CSMD1: variants seen among roughly 807,000 people sequenced by gnomAD.
The protein encoded by CSMD1 is CUB and Sushi multiple domains 1.
A neutral mutation model predicts 417.5 loss-of-function variants in CSMD1; 213 were observed. The ratio of observed to expected loss-of-function variants is 0.51; its 90% CI spans 0.46 to 0.57. CSMD1 has a LOEUF of 0.57. Among genes scored for constraint, CSMD1 ranks in the 20% least tolerant of loss-of-function variants. CSMD1 has a pLI of 0.00. For missense variants in CSMD1, 6,923 were observed against 4,529.7 expected (o/e 1.53, Z -15.17); for synonymous variants, 2,862 against 1,736.8 (o/e 1.65, Z -16.11).
At chr8:4,887,707 G>A (rs1210662661) in intron 1 of CSMD1, among the ~76,000 whole-genome samples, 1 of 151,618 alleles carries the variant, frequency 6.6e-6, no homozygotes, top group Non-Finnish European at 1.5e-5. Context: ...TATTTGCTTT[G>A]TTGGTAGGTG....
chr8:3,178,141 A>C (rs1254625650), intron 37 of CSMD1, among the ~76,000 whole-genome samples: 1 of 152,180 alleles, frequency 6.6e-6, no homozygotes, highest in Non-Finnish European at 1.5e-5. Flanking sequence ...GATCATATAC[A>C]TTAAACCAGA....
At chr8:3,638,029 T>C (rs376968949) in intron 7 of CSMD1, among the ~76,000 whole-genome samples, 3 of 152,154 alleles carry the variant, frequency 2.0e-5, no homozygotes, top group Non-Finnish European at 4.4e-5. Flanking sequence ...TCATTATAAA[T>C]TACGCAGTCT....
At chr8:4,161,905 C>A (rs1410490147) in intron 3 of CSMD1, among the ~76,000 whole-genome samples, 1 of 152,116 alleles carries the variant, frequency 6.6e-6, no homozygotes, top group South Asian at 2.1e-4. Context: ...GTCAAGACTT[C>A]ATCAGTTCAT....
chr8:4,826,844 T>C (rs750642857), intron 1 of CSMD1, among the ~76,000 whole-genome samples: 52 of 152,158 alleles, frequency 3.4e-4, no homozygotes, highest in Admixed American at 2.6e-3. Flanking sequence ...TTTATGTTAT[T>C]AGTGCCAGCT....
chr8:4,026,328 GTAA>G (rs1201679122), intron 4 of CSMD1, among the ~76,000 whole-genome samples: 2 of 152,162 alleles, frequency 1.3e-5, no homozygotes, highest in Non-Finnish European at 2.9e-5. Flanking sequence ...AAATGTAAAT[GTAA>G]TAATCTATAA....
chr8:3,925,891 A>G (rs1241531347), intron 5 of CSMD1, among the ~76,000 whole-genome samples: 1 of 151,982 alleles, frequency 6.6e-6, no homozygotes, highest in Non-Finnish European at 1.5e-5. Context: ...TTTATTTTTT[A>G]AATATATACT....
chr8:3,274,250 C>T (rs1486718182), intron 26 of CSMD1, among the ~76,000 whole-genome samples: 1 of 151,894 alleles, frequency 6.6e-6, no homozygotes, highest in Non-Finnish European at 1.5e-5. Context: ...GAGTGAGATT[C>T]TTAATCCTGA....
intron 7 of CSMD1, among the ~76,000 whole-genome samples, chr8:3,666,161 G>A (rs192497015): frequency 2.6e-5 from 4 of 152,126 alleles, no homozygotes; most frequent in Non-Finnish European, 5.9e-5. Flanking sequence ...CTCCCCAAAT[G>A]CTGGGATTAC....
At chr8:3,242,075 C>T (rs1402356273) in intron 26 of CSMD1, among the ~76,000 whole-genome samples, 5 of 132,668 alleles carry the variant, frequency 3.8e-5, no homozygotes, top group African/African-American at 8.3e-5. Context: ...AGAGCCTAAA[C>T]ACTATCTGAT....
chr8:3,099,908 T>C (rs954712860), intron 46 of CSMD1, among the ~76,000 whole-genome samples: 3 of 152,220 alleles, frequency 2.0e-5, no homozygotes, highest in South Asian at 2.1e-4. Flanking sequence ...TGTAGAGAAT[T>C]TGTACCATTT....
At chr8:4,424,740 A>C (rs1797446353) in intron 2 of CSMD1, among the ~76,000 whole-genome samples, 1 of 152,104 alleles carries the variant, frequency 6.6e-6, no homozygotes, top group African/African-American at 2.4e-5. Flanking sequence ...AGAAATGCTC[A>C]TGATGGGAAA....
At chr8:4,151,164 G>T (rs1359441147) in intron 3 of CSMD1, among the ~76,000 whole-genome samples, 1 of 152,164 alleles carries the variant, frequency 6.6e-6, no homozygotes, top group Non-Finnish European at 1.5e-5. Context: ...ATCTTTGAAA[G>T]CAAAGGAATT....
chr8:4,971,095 T>G (rs1039196507), intron 1 of CSMD1, among the ~76,000 whole-genome samples: 1 of 152,024 alleles, frequency 6.6e-6, no homozygotes, highest in Non-Finnish European at 1.5e-5. Context: ...GGATCTCATT[T>G]TTTTCATATA....
intron 28 of CSMD1, among the ~76,000 whole-genome samples, chr8:3,223,016 G>C (rs1295856015): frequency 6.6e-6 from 1 of 152,190 alleles, no homozygotes; most frequent in East Asian, 1.9e-4. Context: ...CAATAGGAAA[G>C]TCTACAGAAT....
chr8:4,430,619 A>G (rs746934094), intron 2 of CSMD1, among the ~76,000 whole-genome samples: 8 of 152,062 alleles, frequency 5.3e-5, no homozygotes, highest in Non-Finnish European at 1.0e-4. Flanking sequence ...CAAGAATTCA[A>G]CTGATCCTCT....
intron 1 of CSMD1, among the ~76,000 whole-genome samples, chr8:4,778,146 A>G (rs1332458182): frequency 2.6e-5 from 4 of 152,218 alleles, no homozygotes; most frequent in Non-Finnish European, 5.9e-5. Flanking sequence ...TAATATAAAT[A>G]TACATTACAT....
At chr8:3,393,210 A>G (rs1275939515) in intron 17 of CSMD1, among the ~76,000 whole-genome samples, 1 of 152,202 alleles carries the variant, frequency 6.6e-6, no homozygotes, top group Non-Finnish European at 1.5e-5. Flanking sequence ...GCAAGTCTAG[A>G]TGTGTGTTTA....
intron 3 of CSMD1, among the ~76,000 whole-genome samples, chr8:4,178,281 C>G (rs1474024611): frequency 4.6e-5 from 7 of 151,776 alleles, no homozygotes; most frequent in Admixed American, 1.3e-4. Flanking sequence ...TCAATATACG[C>G]AAATCAATAA....
At chr8:4,619,834 G>A (rs532953391) in intron 2 of CSMD1, among the ~76,000 whole-genome samples, 1 of 151,838 alleles carries the variant, frequency 6.6e-6, no homozygotes, top group Admixed American at 6.6e-5. Context: ...TGTTTTGTTT[G>A]GAATTAAATA....
Sources: gnomAD v4.1 joint callset for allele counts (sites outside exome capture counted in the v4.1 genomes callset) on GRCh38, gnomAD v4.1.1 for gene constraint, MANE v1.5 for transcripts, NCBI Gene and HGNC (gene_info 2026-07-23, HGNC 2026-07-21) for gene names.